SV2C: variants seen among roughly 807,000 people sequenced by gnomAD.
SV2C encodes the protein solute carrier family 22 member B3.
In SV2C, 49 loss-of-function variants were observed where a neutral mutation model predicts 79.7. The observed-to-expected ratio is 0.61, with a 90% confidence interval of 0.49 to 0.78. The LOEUF (loss-of-function observed/expected upper bound fraction) is 0.78. SV2C is among the 30% of genes least tolerant of loss of function. The probability of loss-of-function intolerance (pLI) is 0.00; values close to 1 mark genes in which losing one functional copy is unlikely to be tolerated. For synonymous variants in SV2C, 334 were observed against 333.2 expected, an observed-to-expected ratio of 1.00 and a Z score of -0.03; for missense variants, 833 against 912.9, an observed-to-expected ratio of 0.91 and a Z score of 1.13.
the SV2C span, among the ~76,000 whole-genome samples, chr5:75,974,164 T>C: frequency 6.6e-6 from 1 of 152,056 alleles, no homozygotes; most frequent in Non-Finnish European, 1.5e-5. Flanking sequence ...GATGAGGTTT[T>C]TAATTTCTAC....
the SV2C span, among the ~76,000 whole-genome samples, chr5:75,989,257 A>G: frequency 6.6e-6 from 1 of 151,832 alleles, no homozygotes; most frequent in Non-Finnish European, 1.5e-5. Flanking sequence ...TCACCTAGGT[A>G]TTAAGTCCGA....
At chr5:75,935,777 T>C in the SV2C span, among the ~76,000 whole-genome samples, 8 of 152,210 alleles carry the variant, frequency 5.3e-5, no homozygotes, top group African/African-American at 1.4e-4. Flanking sequence ...TGTTTACCTC[T>C]GGAGAGGGGA....
the SV2C span, among the ~76,000 whole-genome samples, chr5:75,900,759 T>C: frequency 7.2e-5 from 11 of 152,310 alleles, no homozygotes; most frequent in South Asian, 2.1e-3. Flanking sequence ...CATAGTCCCA[T>C]ATTTCTTGGA....
the SV2C span, among the ~76,000 whole-genome samples, chr5:75,972,991 G>A: frequency 2.0e-5 from 3 of 152,072 alleles, no homozygotes; most frequent in Non-Finnish European, 2.9e-5. Context: ...GGAATACTAT[G>A]CAGCTATAAA....
intron 1 of SV2C, among the ~76,000 whole-genome samples, chr5:76,101,326 AG>A (rs1747735915): frequency 6.6e-6 from 1 of 152,214 alleles, no homozygotes; most frequent in Non-Finnish European, 1.5e-5. Context: ...TCAGGTGTAC[AG>A]TGGCTTAGGT....
chr5:76,312,478 C>A (rs1368041577), intron 12 of SV2C, among the ~76,000 whole-genome samples: 1 of 152,192 alleles, frequency 6.6e-6, no homozygotes, highest in Non-Finnish European at 1.5e-5. Context: ...GTCTCGAACT[C>A]CTGACCTCAA....
intron 2 of SV2C, among the ~76,000 whole-genome samples, chr5:76,138,164 C>T (rs1473651430): frequency 6.6e-6 from 1 of 152,150 alleles, no homozygotes; most frequent in Non-Finnish European, 1.5e-5. Context: ...TTTAGGCAAA[C>T]CCTGTCATTT....
the SV2C span, among the ~76,000 whole-genome samples, chr5:76,040,751 G>A: frequency 6.6e-6 from 1 of 152,198 alleles, no homozygotes. Flanking sequence ...GATGAGAACT[G>A]AGCCCTCATT....
chr5:76,227,789 G>A (rs1455841991), intron 4 of SV2C, among the ~76,000 whole-genome samples: 1 of 152,182 alleles, frequency 6.6e-6, no homozygotes, highest in African/African-American at 2.4e-5. Context: ...AGCTTGTGCT[G>A]TGGGGCTGTT....
At chr5:76,194,784 C>G in intron 2 of SV2C, 135 bp from the exon 3 acceptor site, 1 of 1,061,764 alleles carries the variant, frequency 9.4e-7, no homozygotes, top group Non-Finnish European at 1.4e-6. Context: ...TTACTGTGTC[C>G]TGAAGGTTAT....
At chr5:76,051,540 A>G in the SV2C span, among the ~76,000 whole-genome samples, 3 of 152,232 alleles carry the variant, frequency 2.0e-5, no homozygotes, top group African/African-American at 4.8e-5. Flanking sequence ...TATGTATTCT[A>G]TTAAATACAA....
the SV2C span, among the ~76,000 whole-genome samples, chr5:76,017,390 G>A: frequency 1.2e-4 from 18 of 152,160 alleles, no homozygotes; most frequent in East Asian, 3.3e-3. Flanking sequence ...GGGTTCAAGC[G>A]ATTCTCATAC....
intron 1 of SV2C, among the ~76,000 whole-genome samples, chr5:76,098,468 T>G (rs1457603784): frequency 6.6e-6 from 1 of 152,162 alleles, no homozygotes; most frequent in Non-Finnish European, 1.5e-5. Flanking sequence ...AAAGCTGGAG[T>G]ATTGATAAAG....
chr5:75,954,994 C>T, the SV2C span, among the ~76,000 whole-genome samples: 6 of 148,062 alleles, frequency 4.1e-5, no homozygotes, highest in Non-Finnish European at 7.4e-5. Flanking sequence ...GATTCAATGC[C>T]ATCCCCATCA....
chr5:76,135,669 G>A (rs1749044406), intron 2 of SV2C, among the ~76,000 whole-genome samples: 1 of 152,156 alleles, frequency 6.6e-6, no homozygotes, highest in African/African-American at 2.4e-5. Flanking sequence ...ACTTCTTATT[G>A]AATGAAGTGA....
chr5:76,148,545 G>GT (rs1749505649), intron 2 of SV2C, among the ~76,000 whole-genome samples: 1 of 152,050 alleles, frequency 6.6e-6, no homozygotes, highest in Non-Finnish European at 1.5e-5. Flanking sequence ...AACCTCCTGG[G>GT]CTCAAGTAAT....
chr5:76,113,195 G>A (rs60210921), intron 1 of SV2C, among the ~76,000 whole-genome samples: 5,690 of 152,236 alleles, frequency 0.037, 355 homozygotes, highest in African/African-American at 0.13. Context: ...TCCACCTTTT[G>A]CCTGGCCAGC....
the SV2C span, among the ~76,000 whole-genome samples, chr5:75,907,349 A>G: frequency 6.6e-6 from 1 of 152,156 alleles, no homozygotes; most frequent in Non-Finnish European, 1.5e-5. Context: ...TGAGGGCTTT[A>G]TTATGTCTTC....
At chr5:76,155,070 A>G (rs571611787) in intron 2 of SV2C, among the ~76,000 whole-genome samples, 2 of 152,248 alleles carry the variant, frequency 1.3e-5, no homozygotes, top group African/African-American at 2.4e-5. Flanking sequence ...TCTCACACTC[A>G]GTAAATTAGG....
Sources: allele counts gnomAD v4.1 joint callset (sites outside exome capture counted in the v4.1 genomes callset), GRCh38; gene constraint gnomAD v4.1.1; transcripts MANE v1.5; gene names NCBI Gene and HGNC (gene_info 2026-07-23, HGNC 2026-07-21).